The following ARNT variants were observed in gnomAD, a reference collection of about 807,000 sequenced individuals.
ARNT encodes the protein class E basic helix-loop-helix protein 2.
In ARNT, 30 loss-of-function variants were observed where a neutral mutation model predicts 105.0. That is an observed-to-expected ratio of 0.29 (90% confidence interval 0.21 to 0.39). The LOEUF is 0.39. Among genes scored for constraint, ARNT ranks in the 10% least tolerant of loss-of-function variants. The pLI is 1.00. For missense variants in ARNT, 748 were observed against 978.7 expected, an observed-to-expected ratio of 0.76 and a Z score of 3.15; for synonymous variants, 304 against 344.0, an observed-to-expected ratio of 0.88 and a Z score of 1.29.
intron 14 of ARNT, among the ~76,000 whole-genome samples, chr1:150,822,392 A>T (rs1280187670): frequency 6.6e-6 from 1 of 152,152 alleles, no homozygotes; most frequent in African/African-American, 2.4e-5. Flanking sequence ...CTAACCCTCA[A>T]CCTCATGGAG....
chr1:150,839,776 T>A, intron 5 of ARNT, 122 bp from the exon 6 acceptor site: 1 of 1,038,154 alleles, frequency 9.6e-7, no homozygotes, highest in Non-Finnish European at 1.4e-6. Flanking sequence ...TAGTGATGCT[T>A]AAGTCTCAGC....
chr1:150,829,796 AT>A (rs3215133), intron 11 of ARNT, 107 bp downstream of exon 11: 115,395 of 1,210,486 alleles, frequency 0.095, 6,760 homozygotes, highest in Admixed American at 0.17. Flanking sequence ...TGAGAGTTTT[AT>A]GGAATTCTTC....
chr1:150,842,137 G>T, intron 5 of ARNT: 1 of 374,598 alleles, frequency 2.7e-6, no homozygotes, highest in Non-Finnish European at 3.7e-6. Flanking sequence ...CCTTCTAAGA[G>T]CTTTTTGTTC....
chr1:150,817,698 A>G (rs587772871), intron 15 of ARNT, among the ~76,000 whole-genome samples: 1 of 151,676 alleles, frequency 6.6e-6, no homozygotes, highest in East Asian at 1.9e-4. Context: ...AATCCCAGCT[A>G]TTTGGGAGGC....
At chr1:150,832,546 G>T in intron 8 of ARNT, 147 bp from the exon 9 acceptor site, 1 of 724,948 alleles carries the variant, frequency 1.4e-6, no homozygotes, top group Non-Finnish European at 2.3e-6. Context: ...GATAGGTCAA[G>T]TTTAGTATTT....
At chr1:150,858,893 G>A (rs1054473689) in intron 1 of ARNT, among the ~76,000 whole-genome samples, 1 of 151,614 alleles carries the variant, frequency 6.6e-6, no homozygotes. Flanking sequence ...AAAGTGCTGG[G>A]ATTATAGGCA....
At chr1:150,860,789 G>A (rs749033952) in intron 1 of ARNT, among the ~76,000 whole-genome samples, 2 of 151,774 alleles carry the variant, frequency 1.3e-5, no homozygotes, top group African/African-American at 2.4e-5. Context: ...CCCAGGAGGC[G>A]GAGACTGCAG....
chr1:150,812,165 C>T, intron 21 of ARNT, 55 bp from the exon 22 acceptor site: 7 of 1,299,216 alleles, frequency 5.4e-6, no homozygotes, highest in Non-Finnish European at 4.2e-6. Context: ...CTTACACTTA[C>T]CAAGTTCTAC....
chr1:150,837,385 G>A (rs1487706468), intron 6 of ARNT, among the ~76,000 whole-genome samples: 2 of 152,020 alleles, frequency 1.3e-5, no homozygotes, highest in Non-Finnish European at 2.9e-5. Context: ...TTTTTGTTCT[G>A]CCAGGAACAG....
In ARNT at chr1:150,836,413, C is replaced by G. The variant is rs2228099; in HGVS notation, c.567G>C (p.Val189=). The change falls in exon 7 of 22, where the codon GTG becomes GTC. Residue 189 remains valine (V), a synonymous_variant. Coordinates refer to ENST00000358595, the MANE Select transcript of ARNT (RefSeq NM_001668.4). ...VSCETGRVVY[V]SDSVTPVLNQ... ...TCAAAACAGGAGTCACGGAGTCAGACACATACACCACCCTGCCTGTCTCAC... is the reference window on the plus strand; with the variant it reads ...TCAAAACAGGAGTCACGGAGTCAGAGACATACACCACCCTGCCTGTCTCAC... 0.39 allele frequency: 626,161 copies of G among 1,613,580 alleles called. 124,120 individuals carry two copies. Among genetic ancestry groups the G allele is most frequent in the South Asian group, 0.54 (48,760 of 91,052 alleles).
At chr1:150,817,525 A>C (rs1656140855) in intron 15 of ARNT, 92 bp from the exon 16 acceptor site, 1 of 1,267,020 alleles carries the variant, frequency 7.9e-7, no homozygotes, top group Non-Finnish European at 1.1e-6. Flanking sequence ...CAAATTAAAC[A>C]GGCCGGGCAT....
intron 3 of ARNT, 93 bp downstream of exon 3, chr1:150,852,669 G>T: frequency 8.4e-7 from 1 of 1,192,696 alleles, no homozygotes; most frequent in South Asian, 1.3e-5. Context: ...ACTCTCCTTA[G>T]ACCTAAGGAC....
intron 14 of ARNT, among the ~76,000 whole-genome samples, chr1:150,820,086 A>G (rs1315709811): frequency 6.6e-6 from 1 of 152,228 alleles, no homozygotes. Flanking sequence ...ATAAAGATTT[A>G]CTGGAACACA....
intron 1 of ARNT, among the ~76,000 whole-genome samples, chr1:150,870,570 C>G (rs1667268844): frequency 6.6e-6 from 1 of 152,112 alleles, no homozygotes; most frequent in African/African-American, 2.4e-5. Flanking sequence ...TGCAGTGGCA[C>G]AATCATGGCT....
intron 3 of ARNT, among the ~76,000 whole-genome samples, chr1:150,848,769 C>T (rs181506651): frequency 1.3e-5 from 2 of 152,260 alleles, no homozygotes; most frequent in African/African-American, 2.4e-5. Context: ...AGAGCTTAAG[C>T]GATCCACCCA....
chr1:150,859,082 T>TA (rs1665137681), intron 1 of ARNT, among the ~76,000 whole-genome samples: 2 of 133,558 alleles, frequency 1.5e-5, no homozygotes. Context: ...AATATACTAA[T>TA]TTTAAAAAAA....
intron 12 of ARNT, among the ~76,000 whole-genome samples, chr1:150,826,878 C>T (rs182473180): frequency 6.6e-5 from 10 of 152,032 alleles, no homozygotes; most frequent in South Asian, 2.1e-4. Context: ...AACTCCTGAC[C>T]TCAAGTGATC....
chr1:150,816,944 G>T, intron 17 of ARNT, 54 bp from the exon 18 acceptor site: 1 of 1,598,332 alleles, frequency 6.3e-7, no homozygotes, highest in Non-Finnish European at 8.5e-7. Flanking sequence ...TAGTATATTA[G>T]TTCAGCAAGT....
intron 4 of ARNT, 110 bp from the exon 5 acceptor site, chr1:150,842,578 GA>G (rs149242771): frequency 0.058 from 40,549 of 704,176 alleles, 1,737 homozygotes; most frequent in Middle Eastern, 0.11. Context: ...AATGGAGGGA[GA>G]AAAAAAAAGA....
Sources: gnomAD v4.1 joint callset for allele counts (sites outside exome capture counted in the v4.1 genomes callset) on GRCh38, gnomAD v4.1.1 for gene constraint, MANE v1.5 for transcripts, NCBI Gene and HGNC (gene_info 2026-07-23, HGNC 2026-07-21) for gene names.